The following PCDHA5 variants were observed in gnomAD, a reference collection of about 807,000 sequenced individuals.
The protein encoded by PCDHA5 is protocadherin alpha 5.
PCDHA5 carries 43 observed loss-of-function variants against 61.6 expected under a neutral mutation model. The observed-to-expected ratio is 0.70, with a 90% CI of 0.55 to 0.90. The LOEUF (loss-of-function observed/expected upper bound fraction) is 0.90, where lower values mean the gene tolerates loss of function less well. Ranked by LOEUF, PCDHA5 falls within the 40% of genes least tolerant of loss-of-function variation. The pLI, the probability that PCDHA5 is intolerant of heterozygous loss-of-function variation, is 0.00. For synonymous variants in PCDHA5, 627 were observed against 543.9 expected (o/e 1.15, Z -2.13); for missense variants, 1,298 against 1,222.7 (o/e 1.06, Z -0.92).
intron 1 of PCDHA5, chr5:140,926,601 T>G: frequency 3.1e-6 from 1 of 317,718 alleles, no homozygotes; most frequent in Non-Finnish European, 5.7e-6. Context: ...GCGGGCGGCC[T>G]CGTCTCTGCA....
rs1563376756 is a variant in PCDHA5, at chr5:140,968,306, C to G, written c.2353-10643C>G. 1.9e-6 allele frequency: 3 copies of G among 1,613,808 alleles called. No individual in the cohort carries two copies. The highest frequency in any genetic ancestry group is 2.5e-6 in the Non-Finnish European group (3 of 1,179,908). On this transcript the variant is annotated intron_variant, in intron 1 of 3. Transcript: ENST00000529859. ...CTACTCCCTTCTGGAGAGGGAGATT[C>G]AAGGGCTGCCAGTCACCTCCTATGT... is the stretch of plus-strand genomic sequence containing the variant.
In PCDHA5 at chr5:140,884,413, G is replaced by C. The variant is rs376737487; in HGVS notation, c.2352+60286G>C. 13 of 1,613,896 alleles carry C rather than the reference G, an allele frequency of 8.1e-6. No homozygotes were observed. The East Asian group carries it at 2.5e-4, about 30-fold the overall frequency. On this transcript the variant is annotated intron_variant, in intron 1 of 3. Transcript: ENST00000529859. Reference sequence around the variant, plus strand: ...TGTCCAGCCTGTTGGTGCTCACGTTGCTGCTGTATACTGCGCTGCGGTGCT... The same window carrying C: ...TGTCCAGCCTGTTGGTGCTCACGTTCCTGCTGTATACTGCGCTGCGGTGCT...
intron 1 of PCDHA5, chr5:140,834,550 T>C (rs1773085767): frequency 6.2e-7 from 1 of 1,613,956 alleles, no homozygotes; most frequent in South Asian, 1.1e-5. Flanking sequence ...GGGCTGGAGC[T>C]GGCGGAGCTG....
chr5:140,967,601 C>A lies in PCDHA5; in HGVS notation c.2353-11348C>A, dbSNP rs782574259. The A allele has an allele frequency of 9.3e-6, 15 of 1,614,144 alleles. No individual in the cohort carries two copies. The highest frequency in any genetic ancestry group is 1.3e-5 in the Non-Finnish European group (15 of 1,180,034). ...ACCCCCAGGCACATTGGTGGTGAAGCTGAATGCCTCAGACCCGGATGAGGG... is the reference window on the plus strand; with the variant it reads ...ACCCCCAGGCACATTGGTGGTGAAGATGAATGCCTCAGACCCGGATGAGGG... On this transcript the variant is annotated intron_variant, in intron 1 of 3. Transcript: ENST00000529859.
chr5:140,861,263 C>T (rs1441824689), intron 1 of PCDHA5: 2 of 174,012 alleles, frequency 1.1e-5, no homozygotes, highest in African/African-American at 4.8e-5. Context: ...ATCCCGGAGC[C>T]TACAGCACTG....
In PCDHA5 at chr5:140,849,990, T is replaced by C. The variant is rs2150462015; in HGVS notation, c.2352+25863T>C. On this transcript the variant is annotated intron_variant, in intron 1 of 3. Coordinates refer to ENST00000529859, the MANE Select transcript of PCDHA5 (RefSeq NM_018908.3). ...GTCCTACTCGCTGGTGGAGCGGCGG[T>C]TGGGCGAGCGCTCGCTGTCGAGCTA... 88 of 1,596,734 alleles carry C rather than the reference T, an allele frequency of 5.5e-5. 7 individuals carry two copies. Among genetic ancestry groups the C allele is most frequent in the Non-Finnish European group, 6.9e-5 (80 of 1,167,720 alleles).
chr5:140,998,646 C>G (rs1413467899), intron 3 of PCDHA5, among the ~76,000 whole-genome samples: 1 of 151,870 alleles, frequency 6.6e-6, no homozygotes, highest in Non-Finnish European at 1.5e-5. Flanking sequence ...CTCACTGCAA[C>G]CTCTGCCTCC....
At chr5:140,967,560 A>C (rs2096156699) in intron 1 of PCDHA5, 2 of 1,613,966 alleles carry the variant, frequency 1.2e-6, no homozygotes, top group Non-Finnish European at 1.7e-6. Context: ...TATCGCGTCC[A>C]GCTACGGGAG....
intron 1 of PCDHA5, among the ~76,000 whole-genome samples, chr5:140,891,207 GCTGTGTCTTTATAATCATC>G (rs2062985050): frequency 6.6e-6 from 1 of 152,054 alleles, no homozygotes; most frequent in Non-Finnish European, 1.5e-5. Context: ...GTTTTACCAT[GCTGTGTCTTTATAATCATC>G]CTGTTCTGGA....
chr5:140,841,816 C>G (rs2150323334), intron 1 of PCDHA5: 1 of 1,613,928 alleles, frequency 6.2e-7, no homozygotes, highest in East Asian at 2.2e-5. Flanking sequence ...TTGGAGCTAA[C>G]TCCGTGTTAA....
intron 1 of PCDHA5, among the ~76,000 whole-genome samples, chr5:140,916,237 A>G (rs1004473327): frequency 6.6e-6 from 1 of 152,182 alleles, no homozygotes; most frequent in African/African-American, 2.4e-5. Context: ...CCAGGAGCCA[A>G]AGCCTGGACT....
chr5:140,967,057 AGC>A, intron 1 of PCDHA5: 1 of 1,612,704 alleles, frequency 6.2e-7, no homozygotes, highest in Non-Finnish European at 8.5e-7. Context: ...TGACGAGTGG[AGC>A]GCTCTTCGTC....
chr5:140,887,456 A>G (rs1291884808), intron 1 of PCDHA5, among the ~76,000 whole-genome samples: 1 of 152,138 alleles, frequency 6.6e-6, no homozygotes, highest in Non-Finnish European at 1.5e-5. Flanking sequence ...CAGTTTTTTA[A>G]AAGATATAAT....
At chr5:140,885,424 A>G (rs1311599501) in intron 1 of PCDHA5, among the ~76,000 whole-genome samples, 4 of 152,148 alleles carry the variant, frequency 2.6e-5, no homozygotes, top group African/African-American at 7.2e-5. Context: ...AGTATTCCAC[A>G]GTGTAAGTGT....
intron 1 of PCDHA5, among the ~76,000 whole-genome samples, chr5:140,917,726 G>A (rs1192405804): frequency 6.6e-6 from 1 of 152,114 alleles, no homozygotes; most frequent in Admixed American, 6.6e-5. Flanking sequence ...TTATTTCTGG[G>A]TTCTCTAACC....
chr5:140,841,669 T>A, intron 1 of PCDHA5: 1 of 1,614,020 alleles, frequency 6.2e-7, no homozygotes, highest in East Asian at 2.2e-5. Flanking sequence ...CGCTGCAGGT[T>A]TTCCATGTGG....
In PCDHA5 at chr5:140,875,325, G is replaced by C. The variant is rs1293166061; in HGVS notation, c.2352+51198G>C. 3 of 1,427,764 alleles carry C rather than the reference G, an allele frequency of 2.1e-6. No homozygotes were observed. The African/African-American group carries it at 4.3e-5, about 21-fold the overall frequency. 88.4% of individuals were successfully genotyped at this position (1,427,764 alleles called of 1,614,324 possible). A position where few individuals can be genotyped will look rare whatever the true frequency, so the allele number is the denominator to read the frequency against. On this transcript the variant is annotated intron_variant, in intron 1 of 3. Coordinates refer to ENST00000529859, the MANE Select transcript of PCDHA5 (RefSeq NM_018908.3). ...CCGCACCCACATTCCAATCATTCAC[G>C]GAATAGGATCGACTCCATAATGACT...
At chr5:140,878,552 C>A (rs1035509057) in intron 1 of PCDHA5, among the ~76,000 whole-genome samples, 1 of 152,130 alleles carries the variant, frequency 6.6e-6, no homozygotes, top group Non-Finnish European at 1.5e-5. Flanking sequence ...TTCAGATGAT[C>A]CCAAACTTAT....
At chr5:140,897,378 C>T (rs992566047) in intron 1 of PCDHA5, among the ~76,000 whole-genome samples, 8 of 144,246 alleles carry the variant, frequency 5.5e-5, no homozygotes, top group Admixed American at 4.3e-4. Context: ...GTTCCCTTCC[C>T]CTTCCTGTGT....
Sources: gnomAD v4.1 joint callset for allele counts (sites outside exome capture counted in the v4.1 genomes callset) on GRCh38, gnomAD v4.1.1 for gene constraint, MANE v1.5 for transcripts, NCBI Gene and HGNC (gene_info 2026-07-23, HGNC 2026-07-21) for gene names.